DOCK1: variants seen among roughly 807,000 people sequenced by gnomAD.
DOCK1 encodes the protein dedicator of cytokinesis 1, also known as dedicator of cytokinesis protein 1.
Under a neutral mutation model 262.7 loss-of-function variants are expected in DOCK1, and 138 were observed. The ratio of observed to expected loss-of-function variants is 0.53; its 90% CI spans 0.46 to 0.61. DOCK1 has a LOEUF of 0.61. Ranked by LOEUF, DOCK1 falls within the 20% of genes least tolerant of loss-of-function variation. The pLI, the probability that DOCK1 is intolerant of heterozygous loss-of-function variation, is 0.00. For synonymous variants in DOCK1, 866 were observed against 867.4 expected, an observed-to-expected ratio of 1.00 and a Z score of 0.03; for missense variants, 1,908 against 2,370.7, an observed-to-expected ratio of 0.80 and a Z score of 4.05.
intron 21 of DOCK1, among the ~76,000 whole-genome samples, chr10:127,046,990 T>G (rs1273230115): frequency 6.6e-6 from 1 of 152,104 alleles, no homozygotes; most frequent in Non-Finnish European, 1.5e-5. Flanking sequence ...AAAGCCTCAG[T>G]GAATTTTGTT....
intron 27 of DOCK1, among the ~76,000 whole-genome samples, chr10:127,217,856 A>AT (rs577120963): frequency 6.6e-6 from 1 of 152,140 alleles, no homozygotes; most frequent in African/African-American, 2.4e-5. Context: ...ACTCAAGTTA[A>AT]TTTTTTTCAT....
intron 42 of DOCK1, among the ~76,000 whole-genome samples, chr10:127,409,596 G>A (rs2067725413): frequency 6.6e-6 from 1 of 152,174 alleles, no homozygotes. Flanking sequence ...CCATGTGCTG[G>A]GAGCGTGCAA....
intron 29 of DOCK1, among the ~76,000 whole-genome samples, chr10:127,295,243 G>A (rs2061466925): frequency 1.3e-5 from 2 of 152,248 alleles, no homozygotes; most frequent in South Asian, 4.2e-4. Context: ...TTTTACTCCT[G>A]GCAGAAGGCA....
At chr10:127,032,407 T>G (rs771139376) in intron 18 of DOCK1, 87 bp downstream of exon 18, 5 of 1,385,838 alleles carry the variant, frequency 3.6e-6, no homozygotes, top group Non-Finnish European at 4.8e-6. Flanking sequence ...GGAGGTGTGC[T>G]CCGTAGGTGC....
intron 12 of DOCK1, among the ~76,000 whole-genome samples, chr10:127,017,478 TACAC>T (rs1378066649): frequency 1.4e-5 from 2 of 141,912 alleles, no homozygotes; most frequent in African/African-American, 5.4e-5. Flanking sequence ...CGCATACAGA[TACAC>T]AGACACAGAT....
In DOCK1 at chr10:127,366,192, G is replaced by A. The variant is rs117426447; in HGVS notation, c.3432+3980G>A. On this transcript the variant is annotated intron_variant, in intron 33 of 51. Coordinates refer to ENST00000623213, the MANE Select transcript of DOCK1 (RefSeq NM_001290223.2). Reference sequence around the variant, plus strand: ...GTCATCTGCTTGAACCTCTGCAGACGAGGGATAGCGTACATTAAAGATCTT... The same window carrying A: ...GTCATCTGCTTGAACCTCTGCAGACAAGGGATAGCGTACATTAAAGATCTT... Among the ~76,000 whole-genome samples, 71 of 152,026 alleles carry A rather than the reference G, an allele frequency of 4.7e-4. 1 individual carries two copies. In the East Asian group the frequency reaches 0.012, roughly 26 times the overall value.
At chr10:127,016,812 AACAC>A (rs113160538) in intron 12 of DOCK1, among the ~76,000 whole-genome samples, 8 of 149,342 alleles carry the variant, frequency 5.4e-5, no homozygotes, top group Non-Finnish European at 8.9e-5. Context: ...AGACACCACA[AACAC>A]ACACACAGAT....
intron 21 of DOCK1, among the ~76,000 whole-genome samples, chr10:127,051,678 A>G (rs1275468482): frequency 1.3e-5 from 2 of 151,968 alleles, no homozygotes; most frequent in African/African-American, 4.8e-5. Context: ...TGCTTCCTGG[A>G]CTCAAGTGAT....
chr10:127,085,012 G>A (rs1383973212), intron 23 of DOCK1, among the ~76,000 whole-genome samples: 2 of 152,106 alleles, frequency 1.3e-5, no homozygotes, highest in African/African-American at 2.4e-5. Context: ...GAATCTCTGC[G>A]TTTTAGCCCA....
chr10:127,060,959 C>T lies in DOCK1; in HGVS notation c.2337-709C>T, dbSNP rs146321817. 5.8e-3 allele frequency among the ~76,000 whole-genome samples: 887 copies of T among 152,244 alleles called. 6 individuals carry two copies. The highest frequency in any genetic ancestry group is 0.02 in the African/African-American group (843 of 41,558). On this transcript the variant is annotated intron_variant, in intron 22 of 51. Transcript: ENST00000623213. Reference sequence around the variant, plus strand: ...AAAAACATTGGTAGTGGCCGCCTGGCGGCTCACGCCTGTAATCCCAGCACT... The same window carrying T: ...AAAAACATTGGTAGTGGCCGCCTGGTGGCTCACGCCTGTAATCCCAGCACT...
At chr10:127,022,116 C>T (rs1025711744) in intron 13 of DOCK1, among the ~76,000 whole-genome samples, 1 of 151,994 alleles carries the variant, frequency 6.6e-6, no homozygotes, top group African/African-American at 2.4e-5. Context: ...GAAGAAGAGT[C>T]TTGAGCTCAT....
At chr10:127,313,890 G>A (rs963880123) in intron 29 of DOCK1, among the ~76,000 whole-genome samples, 7 of 151,916 alleles carry the variant, frequency 4.6e-5, no homozygotes, top group Non-Finnish European at 8.8e-5. Flanking sequence ...GCTCGTATTT[G>A]TTTGATCCGG....
chr10:127,034,921 C>G (rs753795184), intron 18 of DOCK1, among the ~76,000 whole-genome samples: 1 of 152,180 alleles, frequency 6.6e-6, no homozygotes, highest in African/African-American at 2.4e-5. Flanking sequence ...GGCAATCCCT[C>G]CTTTCACCCT....
chr10:127,144,917 G>A (rs1395995853), intron 27 of DOCK1, among the ~76,000 whole-genome samples: 2 of 151,968 alleles, frequency 1.3e-5, no homozygotes, highest in African/African-American at 4.8e-5. Context: ...CCCTTTTCCT[G>A]GTATACTATG....
intron 38 of DOCK1, among the ~76,000 whole-genome samples, chr10:127,397,339 C>T (rs61870331): frequency 4.0e-4 from 43 of 108,104 alleles, no homozygotes; most frequent in Middle Eastern, 0.011. Flanking sequence ...GTTACACGGG[C>T]GGTGTCTCCT....
chr10:127,209,698 C>T (rs962330300), intron 27 of DOCK1, among the ~76,000 whole-genome samples: 2 of 152,182 alleles, frequency 1.3e-5, no homozygotes, highest in African/African-American at 4.8e-5. Context: ...AAATGATTCA[C>T]ATCAGTAGGT....
intron 22 of DOCK1, among the ~76,000 whole-genome samples, chr10:127,057,057 G>A (rs753935386): frequency 9.9e-4 from 151 of 151,810 alleles, no homozygotes; most frequent in Non-Finnish European, 1.0e-3. Flanking sequence ...AGCTGAAATC[G>A]TTTTCCTAGC....
At chr10:127,384,242 C>G (rs1054145632) in intron 37 of DOCK1, among the ~76,000 whole-genome samples, 1 of 152,204 alleles carries the variant, frequency 6.6e-6, no homozygotes. Flanking sequence ...TCAGCTCACA[C>G]GCCGACTGCA....
chr10:127,226,822 A>C (rs977305431), intron 27 of DOCK1, among the ~76,000 whole-genome samples: 1 of 152,078 alleles, frequency 6.6e-6, no homozygotes, highest in Non-Finnish European at 1.5e-5. Context: ...TGATTACACA[A>C]TACTTCTACC....
Sources: allele counts gnomAD v4.1 joint callset (sites outside exome capture counted in the v4.1 genomes callset), GRCh38; gene constraint gnomAD v4.1.1; transcripts MANE v1.5; gene names NCBI Gene and HGNC (gene_info 2026-07-23, HGNC 2026-07-21).